Variants in SORCS1 observed in about 807,000 individuals in gnomAD.
The protein encoded by SORCS1 is VPS10 domain-containing receptor SorCS1.
SORCS1 carries 60 observed loss-of-function variants against 146.1 expected under a neutral mutation model. The ratio of observed to expected loss-of-function variants is 0.41; its 90% CI spans 0.33 to 0.51. SORCS1 has a LOEUF of 0.51. Ranked by LOEUF, SORCS1 falls within the 20% of genes least tolerant of loss-of-function variation. SORCS1 has a pLI of 0.21. For missense variants in SORCS1, 1,352 were observed against 1,487.6 expected (o/e 0.91, Z 1.50); for synonymous variants, 637 against 584.0 (o/e 1.09, Z -1.31).
chr10:107,153,854 C>G (rs926566595), intron 1 of SORCS1, among the ~76,000 whole-genome samples: 2 of 152,232 alleles, frequency 1.3e-5, no homozygotes, highest in Non-Finnish European at 2.9e-5. Context: ...AGAAACCTTG[C>G]ATAGAATCCT....
intron 3 of SORCS1, among the ~76,000 whole-genome samples, chr10:106,802,035 C>T (rs889759615): frequency 6.6e-6 from 1 of 152,154 alleles, no homozygotes; most frequent in Non-Finnish European, 1.5e-5. Flanking sequence ...AAAGTTCACG[C>T]CATTTGGTCA....
chr10:106,872,712 T>C lies in SORCS1; in HGVS notation c.627-43039A>G, dbSNP rs191468669. 1.7e-4 allele frequency among the ~76,000 whole-genome samples: 26 copies of C among 152,322 alleles called. No homozygotes were observed. In the East Asian group the frequency reaches 5.0e-3, roughly 29 times the overall value. On this transcript the variant is annotated intron_variant, in intron 2 of 25. Transcript: ENST00000263054. ...CAATGGTTAGTCATAATAATTTGCT[T>C]CCAGGGAACACAGGAGATATAATCT...
At position 106,577,307 on chromosome 10, in the gene SORCS1, C is replaced by G; in HGVS notation, c.*113G>C. The G allele has an allele frequency of 6.2e-7, 1 of 1,607,902 alleles. No homozygotes were observed. The highest frequency in any genetic ancestry group is 8.5e-7 in the Non-Finnish European group (1 of 1,177,568). Reference sequence around the variant, plus strand: ...CTTCCTGGCAAAATAGGAAACAGAACAACAAAGGAAAGAAAAAAAACACAA... The same window carrying G: ...CTTCCTGGCAAAATAGGAAACAGAAGAACAAAGGAAAGAAAAAAAACACAA... On this transcript the variant is annotated 3_prime_UTR_variant, in exon 26 of 26. Transcript: ENST00000263054.
At chr10:106,679,930 C>A (rs374128211) in intron 10 of SORCS1, among the ~76,000 whole-genome samples, 196 bp from the exon 11 acceptor site, 8 of 152,264 alleles carry the variant, frequency 5.3e-5, no homozygotes, top group African/African-American at 1.4e-4. Flanking sequence ...AAGTGTAAAA[C>A]AGCCTTCAAG....
chr10:106,937,248 C>T (rs1210770956), intron 2 of SORCS1, among the ~76,000 whole-genome samples: 1 of 151,332 alleles, frequency 6.6e-6, no homozygotes, highest in African/African-American at 2.4e-5. Flanking sequence ...CAGCTCACTG[C>T]ACCCTCCGCC....
chr10:106,611,794 A>C (rs1847007488), intron 22 of SORCS1, 117 bp downstream of exon 22: 1 of 748,658 alleles, frequency 1.3e-6, no homozygotes, highest in Non-Finnish European at 2.2e-6. Flanking sequence ...CATGGGCTCT[A>C]GCTTCTTCCT....
At chr10:106,793,880 A>G (rs761019611) in intron 3 of SORCS1, among the ~76,000 whole-genome samples, 2 of 152,204 alleles carry the variant, frequency 1.3e-5, no homozygotes, top group South Asian at 2.1e-4. Flanking sequence ...AACAAAACAT[A>G]TGTCTCCCCA....
At chr10:106,764,789 C>A (rs187571590) in intron 4 of SORCS1, among the ~76,000 whole-genome samples, 1 of 151,950 alleles carries the variant, frequency 6.6e-6, no homozygotes, top group African/African-American at 2.4e-5. Context: ...TTTGGGAGGG[C>A]GAGGCGGGCG....
chr10:106,927,493 A>C (rs1364801981), intron 2 of SORCS1, among the ~76,000 whole-genome samples: 2 of 152,048 alleles, frequency 1.3e-5, no homozygotes, highest in Non-Finnish European at 2.9e-5. Flanking sequence ...TATTGCAAAG[A>C]GCGAAAGAAT....
chr10:106,906,114 GT>G (rs1195728383), intron 2 of SORCS1, among the ~76,000 whole-genome samples: 5 of 152,202 alleles, frequency 3.3e-5, no homozygotes, highest in African/African-American at 1.2e-4. Context: ...AGAAAAAGAG[GT>G]TTTTGTTTGT....
intron 1 of SORCS1, among the ~76,000 whole-genome samples, chr10:106,980,428 G>A (rs1956204803): frequency 6.6e-6 from 1 of 152,190 alleles, no homozygotes; most frequent in African/African-American, 2.4e-5. Flanking sequence ...TAGAAATACT[G>A]GCAAAAATAC....
chr10:106,758,244 G>A (rs1858808238), intron 5 of SORCS1, among the ~76,000 whole-genome samples: 1 of 152,174 alleles, frequency 6.6e-6, no homozygotes, highest in Admixed American at 6.5e-5. Context: ...CAGTGGTGAG[G>A]TCTGTTCAGG....
intron 1 of SORCS1, among the ~76,000 whole-genome samples, chr10:107,158,618 C>A (rs1969477626): frequency 6.6e-6 from 1 of 152,168 alleles, no homozygotes; most frequent in Non-Finnish European, 1.5e-5. Context: ...TAAGAAGTTT[C>A]TTTGGGTACA....
In SORCS1 at chr10:106,730,029, CG is replaced by C; in HGVS notation, c.1024+20del. On this transcript the variant is annotated intron_variant, in intron 6 of 25. Transcript: ENST00000263054. ...AGAACTAATATTACTATGAGTATTG[CG>C]GCAAAGTTGATTTACTTACGACCAT... The C allele has an allele frequency of 6.2e-7, 1 of 1,613,190 alleles. No homozygotes were observed. Among genetic ancestry groups the C allele is most frequent in the Non-Finnish European group, 8.5e-7 (1 of 1,179,242 alleles).
chr10:106,820,401 T>C (rs1162423499), intron 3 of SORCS1, among the ~76,000 whole-genome samples: 1 of 152,076 alleles, frequency 6.6e-6, no homozygotes, highest in Non-Finnish European at 1.5e-5. Context: ...ACATTAGAGG[T>C]CAAGGACCCA....
intron 18 of SORCS1, among the ~76,000 whole-genome samples, chr10:106,635,490 T>C (rs1848676861): frequency 6.6e-6 from 1 of 152,070 alleles, no homozygotes; most frequent in South Asian, 2.1e-4. Context: ...AAGCAAAAGG[T>C]AACCCAGACT....
At chr10:107,126,240 A>G (rs1161792061) in intron 1 of SORCS1, among the ~76,000 whole-genome samples, 1 of 152,116 alleles carries the variant, frequency 6.6e-6, no homozygotes, top group African/African-American at 2.4e-5. Flanking sequence ...AAACAAACAA[A>G]CAAACAACAA....
At position 106,731,047 on chromosome 10, in the gene SORCS1, C is replaced by T. The variant is rs573804129; in HGVS notation, c.960-933G>A. Among the ~76,000 whole-genome samples, 116 of 151,610 alleles carry T rather than the reference C, an allele frequency of 7.7e-4. 1 individual carries two copies. The highest frequency in any genetic ancestry group is 1.5e-3 in the Non-Finnish European group (99 of 67,880). ...TCCCTGGGCCGGGCGTGGTGGCTCACGCCTGTAATCCCAGCACTTTGGGAG... is the reference window on the plus strand; with the variant it reads ...TCCCTGGGCCGGGCGTGGTGGCTCATGCCTGTAATCCCAGCACTTTGGGAG... On this transcript the variant is annotated intron_variant, in intron 5 of 25. Transcript: ENST00000263054.
At chr10:107,005,351 G>A (rs1417190469) in intron 1 of SORCS1, among the ~76,000 whole-genome samples, 4 of 151,554 alleles carry the variant, frequency 2.6e-5, no homozygotes, top group African/African-American at 9.7e-5. Context: ...GTAGGGATGG[G>A]GGTGGAGAAA....
Sources: allele counts gnomAD v4.1 joint callset (sites outside exome capture counted in the v4.1 genomes callset), GRCh38; gene constraint gnomAD v4.1.1; transcripts MANE v1.5; gene names NCBI Gene and HGNC (gene_info 2026-07-23, HGNC 2026-07-21).